Variants in WDFY1 observed in about 807,000 individuals in gnomAD.
WDFY1 encodes WD repeat and FYVE domain containing 1.
In WDFY1, 32 loss-of-function variants were observed where a neutral mutation model predicts 56.4. The ratio of observed to expected loss-of-function variants is 0.57; its 90% CI spans 0.43 to 0.76. The LOEUF (loss-of-function observed/expected upper bound fraction) is 0.76, where lower values mean the gene tolerates loss of function less well. Ranked by LOEUF, WDFY1 falls within the 30% of genes least tolerant of loss-of-function variation. WDFY1 has a pLI of 0.00. For synonymous variants in WDFY1, 192 were observed against 197.3 expected, an observed-to-expected ratio of 0.97 and a Z score of 0.23; for missense variants, 480 against 545.7, an observed-to-expected ratio of 0.88 and a Z score of 1.20.
chr2:223,910,612 A>T (rs544050432), intron 3 of WDFY1, among the ~76,000 whole-genome samples: 10 of 152,300 alleles, frequency 6.6e-5, no homozygotes, highest in African/African-American at 2.2e-4. Flanking sequence ...ATATTTCTCC[A>T]AAGAAGATAT....
intron 2 of WDFY1, among the ~76,000 whole-genome samples, chr2:223,913,885 C>T (rs1693744560): frequency 6.6e-6 from 1 of 151,312 alleles, no homozygotes; most frequent in Non-Finnish European, 1.5e-5. Flanking sequence ...TATCCTGGCT[C>T]TCTCCCTAGA....
chr2:223,926,131 C>T (rs746495353), intron 1 of WDFY1, among the ~76,000 whole-genome samples: 14 of 152,168 alleles, frequency 9.2e-5, no homozygotes, highest in African/African-American at 1.4e-4. Context: ...GCACTATCTA[C>T]GGCAGTTATA....
intron 8 of WDFY1, among the ~76,000 whole-genome samples, chr2:223,893,537 AAAAAG>A (rs1559164656): frequency 6.6e-6 from 1 of 152,006 alleles, no homozygotes; most frequent in Non-Finnish European, 1.5e-5. Flanking sequence ...CTCAAAAAAA[AAAAAG>A]AGAGAGAGAG....
At chr2:223,933,062 A>T (rs1241775197) in intron 1 of WDFY1, among the ~76,000 whole-genome samples, 5 of 152,188 alleles carry the variant, frequency 3.3e-5, no homozygotes, top group Non-Finnish European at 1.5e-5. Context: ...CTCCTTTGGT[A>T]ACAGGGAGAG....
chr2:223,894,154 C>T (rs1412883496), intron 8 of WDFY1, 80 bp downstream of exon 8: 54 of 1,409,730 alleles, frequency 3.8e-5, no homozygotes, highest in Non-Finnish European at 5.3e-5. Context: ...GCATTTACAG[C>T]TTGCGGGGTG....
At position 223,918,763 on chromosome 2, in the gene WDFY1, G is replaced by A. The variant is rs182030282; in HGVS notation, c.138-753C>T. 9.1e-3 allele frequency among the ~76,000 whole-genome samples: 1,384 copies of A among 152,288 alleles called. 23 individuals are homozygous for A. Among genetic ancestry groups the A allele is most frequent in the African/African-American group, 0.032 (1,337 of 41,556 alleles). The stretch of plus-strand genomic sequence containing the variant: ...TGACCGTCTGGGCCGAGAGGAAGGC[G>A]GTGGCTGTGAGTGGGAAGAGGCTCA... On this transcript the variant is annotated intron_variant, in intron 1 of 11. Coordinates refer to ENST00000233055, the MANE Select transcript of WDFY1 (RefSeq NM_020830.5).
At chr2:223,933,322 G>A (rs535434211) in intron 1 of WDFY1, among the ~76,000 whole-genome samples, 35 of 146,226 alleles carry the variant, frequency 2.4e-4, no homozygotes, top group Admixed American at 4.9e-4. Flanking sequence ...CCTTCCAGAA[G>A]CCAGATTGGC....
In WDFY1 at chr2:223,876,428, C is replaced by G. The variant is rs534771453; in HGVS notation, c.*2243G>C. ...ATAAAAATATCACCCCATTTGCTAC[C>G]TAGCATATGAGAGAGACAAGACTAG... On this transcript the variant is annotated 3_prime_UTR_variant, in exon 12 of 12. Transcript: ENST00000233055. The G allele has an allele frequency of 1.3e-5, 2 of 152,484 alleles. No homozygotes were observed. The highest frequency in any genetic ancestry group is 2.9e-5 in the Non-Finnish European group (2 of 67,992). The allele number at this position is 152,484 out of a possible 1,614,324, so 9.4% of individuals were successfully genotyped here.
chr2:223,917,282 G>A (rs952579417), intron 2 of WDFY1, among the ~76,000 whole-genome samples: 4 of 152,184 alleles, frequency 2.6e-5, no homozygotes, highest in East Asian at 1.9e-4. Flanking sequence ...TAGTCATGAC[G>A]CTATGGAGGG....
Position 223,897,386 on chromosome 2 carries a change from A to ATTTTTTT in WDFY1, c.598+1571_598+1572insAAAAAAA, listed in dbSNP as rs1321548675. 3.4e-3 allele frequency among the ~76,000 whole-genome samples: 428 copies of ATTTTTTT among 124,136 alleles called. 10 individuals are homozygous for ATTTTTTT. Among genetic ancestry groups the ATTTTTTT allele is most frequent in the East Asian group, 0.013 (58 of 4,316 alleles). 81.4% of individuals were successfully genotyped at this position (124,136 alleles called of 152,430 possible). On this transcript the variant is annotated intron_variant, in intron 6 of 11. Coordinates refer to ENST00000233055, the MANE Select transcript of WDFY1 (RefSeq NM_020830.5). ...TATATATATATATATATATATATAT[A>ATTTTTTT]TATATTTTTTAAGACGGAGTCTCTC...
chr2:223,936,196 G>T (rs1205450559), intron 1 of WDFY1, among the ~76,000 whole-genome samples: 10 of 151,642 alleles, frequency 6.6e-5, no homozygotes, highest in African/African-American at 2.4e-4. Context: ...CTTCTTGGGA[G>T]GATTACAGGC....
intron 8 of WDFY1, among the ~76,000 whole-genome samples, chr2:223,885,886 G>T (rs1693166926): frequency 6.6e-6 from 1 of 152,140 alleles, no homozygotes; most frequent in African/African-American, 2.4e-5. Context: ...TGAGCAGCAA[G>T]CTCTGGTACT....
chr2:223,901,451 T>TG, intron 4 of WDFY1, 118 bp from the exon 5 acceptor site: 16 of 1,176,856 alleles, frequency 1.4e-5, no homozygotes, highest in Non-Finnish European at 1.9e-5. Flanking sequence ...AAGAGTGTAC[T>TG]GGAAATGCCT....
In WDFY1 at chr2:223,945,089, C is replaced by A. The variant is rs547885492; in HGVS notation, c.137+59G>T. On this transcript the variant is annotated intron_variant, in intron 1 of 11. Transcript: ENST00000233055. ...GGAAGGACCGGGGCCGCGGACCCCA[C>A]CGCCCCCACACCCCGTCGTCGCGGA... The A allele has an allele frequency of 2.2e-5, 33 of 1,511,500 alleles. No individual in the cohort carries two copies. In the African/African-American group the frequency reaches 4.3e-4, roughly 20 times the overall value. 93.6% of individuals were successfully genotyped at this position (1,511,500 alleles called of 1,614,324 possible). A position where few individuals can be genotyped will look rare whatever the true frequency, so the allele number is the denominator to read the frequency against.
At chr2:223,936,058 CTTT>C (rs375847263) in intron 1 of WDFY1, among the ~76,000 whole-genome samples, 1 of 105,654 alleles carries the variant, frequency 9.5e-6, no homozygotes, top group Non-Finnish European at 1.8e-5. Context: ...TCCCAAAGTC[CTTT>C]TTTTTTTTTT....
intron 8 of WDFY1, among the ~76,000 whole-genome samples, chr2:223,886,300 T>C (rs1391516093): frequency 1.3e-5 from 2 of 151,670 alleles, no homozygotes; most frequent in African/African-American, 4.8e-5. Flanking sequence ...GATCATGCCA[T>C]TGCACCCTAG....
At chr2:223,911,828 T>C (rs1021972748) in intron 3 of WDFY1, among the ~76,000 whole-genome samples, 1 of 152,080 alleles carries the variant, frequency 6.6e-6, no homozygotes, top group African/African-American at 2.4e-5. Context: ...CTTTTTTTTT[T>C]TTTTTGAGAC....
chr2:223,893,421 T>G (rs1166726027), intron 8 of WDFY1, among the ~76,000 whole-genome samples: 1 of 151,260 alleles, frequency 6.6e-6, no homozygotes, highest in Non-Finnish European at 1.5e-5. Context: ...CCCCAGCTAC[T>G]CAGGAAGCTG....
chr2:223,925,782 T>C (rs1482298520), intron 1 of WDFY1, among the ~76,000 whole-genome samples: 1 of 152,230 alleles, frequency 6.6e-6, no homozygotes, highest in Middle Eastern at 3.2e-3. Flanking sequence ...GTTCACCGCA[T>C]CTTCATTAGA....
Sources: gnomAD v4.1 joint callset for allele counts (sites outside exome capture counted in the v4.1 genomes callset) on GRCh38, gnomAD v4.1.1 for gene constraint, MANE v1.5 for transcripts, NCBI Gene and HGNC (gene_info 2026-07-23, HGNC 2026-07-21) for gene names.